RADX: variants seen among roughly 807,000 people sequenced by gnomAD.
The protein encoded by RADX is RPA1 related single stranded DNA binding protein, X-linked.
RADX carries 36 observed loss-of-function variants against 61.6 expected under a neutral mutation model. The observed-to-expected ratio is 0.58, with a 90% CI of 0.45 to 0.77. The LOEUF (loss-of-function observed/expected upper bound fraction) is 0.77. RADX is among the 30% of genes least tolerant of loss of function. The probability of loss-of-function intolerance (pLI) is 0.00; values close to 1 mark genes in which losing one functional copy is unlikely to be tolerated. For synonymous variants in RADX, 272 were observed against 237.9 expected, an observed-to-expected ratio of 1.14 and a Z score of -1.32; for missense variants, 497 against 651.1, an observed-to-expected ratio of 0.76 and a Z score of 2.58.
chrX:106,651,863 A>T (rs1342514751), intron 11 of RADX, among the ~76,000 whole-genome samples: 1 of 110,414 alleles, frequency 9.1e-6, no homozygotes, highest in Non-Finnish European at 1.9e-5. Flanking sequence ...AAAAAGGGGG[A>T]AAAAGCAAAG....
intron 3 of RADX, among the ~76,000 whole-genome samples, chrX:106,630,071 C>T (rs780805820): frequency 9.8e-5 from 11 of 111,974 alleles, no homozygotes; most frequent in Non-Finnish European, 1.3e-4. Flanking sequence ...GCCTGTAATT[C>T]CAGCACTTTG....
intron 9 of RADX, chrX:106,639,951 G>C: frequency 6.0e-6 from 1 of 166,233 alleles, no homozygotes; most frequent in Non-Finnish European, 1.1e-5. Context: ...GGGCAGACTA[G>C]GCCAATAATG....
chrX:106,622,306 T>A (rs1039147375), intron 1 of RADX, among the ~76,000 whole-genome samples: 2 of 110,784 alleles, frequency 1.8e-5, no homozygotes, highest in African/African-American at 6.6e-5. Flanking sequence ...TGAGGTTTTT[T>A]TTTTCACAAA....
chrX:106,666,060 T>C (rs1432875749), intron 12 of RADX, among the ~76,000 whole-genome samples: 1 of 111,914 alleles, frequency 8.9e-6, no homozygotes, highest in Non-Finnish European at 1.9e-5. Flanking sequence ...TTAAATAGAA[T>C]ATATTGAGAT....
chrX:106,615,207 C>G (rs2147608197), intron 1 of RADX, among the ~76,000 whole-genome samples: 1 of 112,347 alleles, frequency 8.9e-6, no homozygotes, highest in Non-Finnish European at 1.9e-5. Flanking sequence ...ATCTTTTTGT[C>G]TTTCCAGACA....
chrX:106,628,598 T>G (rs1450775709), intron 3 of RADX, among the ~76,000 whole-genome samples: 1 of 110,997 alleles, frequency 9.0e-6, no homozygotes, highest in South Asian at 3.8e-4. Context: ...TCTTGGTTTA[T>G]TTTTCATATT....
At chrX:106,645,219 T>C (rs750177191) in intron 10 of RADX, among the ~76,000 whole-genome samples, 3 of 111,053 alleles carry the variant, frequency 2.7e-5, no homozygotes, top group Non-Finnish European at 5.7e-5. Context: ...AGCTTTTTGC[T>C]TCATTGATCT....
Position 106,612,331 on chromosome X carries a change from G to A in RADX, c.251G>A (p.Arg84His). The change falls in exon 1 of 14, where the codon CGC becomes CAC. Residue 84 changes from arginine (R) to histidine (H), a missense_variant. Physicochemically the swap from Arg to His is conservative, Grantham distance 29. Transcript: ENST00000372548. ...AGGTACCTGTTAGAGGATGAGCCAC[G>A]CGACACGGTGCCCAAGCCTCCCCTT... is the stretch of plus-strand genomic sequence containing the variant. ...VQRYLLEDEP[R>H]DTVPKPPLYC... The A allele has an allele frequency of 8.3e-7, 1 of 1,211,763 alleles. No individual in the cohort carries two copies. The highest frequency in any genetic ancestry group is 1.1e-6 in the Non-Finnish European group (1 of 895,575).
chrX:106,619,742 T>G (rs1364428003), intron 1 of RADX, among the ~76,000 whole-genome samples: 1 of 110,308 alleles, frequency 9.1e-6, no homozygotes, highest in East Asian at 2.8e-4. Context: ...ATAATAATCT[T>G]TTAACAATTT....
chrX:106,617,414 A>C (rs1355521049), intron 1 of RADX, among the ~76,000 whole-genome samples: 1 of 111,449 alleles, frequency 9.0e-6, no homozygotes, highest in Non-Finnish European at 1.9e-5. Flanking sequence ...TTAAAAATGT[A>C]ATTCACATAT....
At chrX:106,643,314 G>A (rs759180396) in intron 10 of RADX, among the ~76,000 whole-genome samples, 14 of 111,022 alleles carry the variant, frequency 1.3e-4, no homozygotes, top group Non-Finnish European at 5.7e-5. Context: ...CCTTTGCTGT[G>A]CAGAAGCTTT....
chrX:106,654,579 T>C (rs1301264727), intron 11 of RADX, among the ~76,000 whole-genome samples: 1 of 111,133 alleles, frequency 9.0e-6, no homozygotes, highest in Non-Finnish European at 1.9e-5. Flanking sequence ...CTGGACCCCT[T>C]CCTTACACCT....
intron 1 of RADX, among the ~76,000 whole-genome samples, chrX:106,614,425 T>C (rs1436428122): frequency 8.9e-6 from 1 of 112,244 alleles, no homozygotes; most frequent in Non-Finnish European, 1.9e-5. Flanking sequence ...TTTGTAGTTT[T>C]AGGCACTTAT....
chrX:106,632,419 CAA>C (rs1927257310), intron 3 of RADX, among the ~76,000 whole-genome samples: 1 of 111,455 alleles, frequency 9.0e-6, no homozygotes, highest in Non-Finnish European at 1.9e-5. Flanking sequence ...ACAAAGTTCT[CAA>C]AGTGTGGTTA....
chrX:106,618,115 G>A (rs1238843089), intron 1 of RADX, among the ~76,000 whole-genome samples: 1 of 111,653 alleles, frequency 9.0e-6, no homozygotes, highest in African/African-American at 3.3e-5. Flanking sequence ...TGTCAAAGAA[G>A]ACCCCAAAAA....
At chrX:106,629,875 A>C (rs1206380096) in intron 3 of RADX, among the ~76,000 whole-genome samples, 1 of 112,253 alleles carries the variant, frequency 8.9e-6, no homozygotes, top group African/African-American at 3.2e-5. Flanking sequence ...TCAGCAATGC[A>C]AAATTGGTTT....
At chrX:106,640,137 C>G (rs1731019182) in intron 9 of RADX, among the ~76,000 whole-genome samples, 1 of 109,853 alleles carries the variant, frequency 9.1e-6, no homozygotes, top group Non-Finnish European at 1.9e-5. Flanking sequence ...AGGAAGTTTT[C>G]TCTATATCTG....
Position 106,632,559 on chromosome X carries a change from A to G in RADX, c.980-66A>G, listed in dbSNP as rs1265718863. ...TCAGTATACTATTTTGCTTTTTAAT[A>G]TATATTCATGTATATTCTTTGGTGT... is the stretch of plus-strand genomic sequence containing the variant. On this transcript the variant is annotated intron_variant, in intron 3 of 13. Transcript: ENST00000372548. 1.7e-5 allele frequency: 12 copies of G among 721,643 alleles called. No homozygotes were observed. The African/African-American group carries it at 2.2e-4, about 13-fold the overall frequency. 59.5% of individuals were successfully genotyped at this position (721,643 alleles called of 1,213,427 possible).
intron 12 of RADX, among the ~76,000 whole-genome samples, chrX:106,665,387 GA>G (rs767955766): frequency 8.9e-6 from 1 of 111,771 alleles, no homozygotes; most frequent in African/African-American, 3.2e-5. Flanking sequence ...ATGGCTGTTT[GA>G]AAAAAACTTT....
Sources: allele counts gnomAD v4.1 joint callset (sites outside exome capture counted in the v4.1 genomes callset), GRCh38; gene constraint gnomAD v4.1.1; transcripts MANE v1.5; gene names NCBI Gene and HGNC (gene_info 2026-07-23, HGNC 2026-07-21).